CHM: variants seen among roughly 807,000 people sequenced by gnomAD.
CHM encodes rab proteins geranylgeranyltransferase component A 1.
In CHM, 10 loss-of-function variants were observed where a neutral mutation model predicts 49.0. The ratio of observed to expected loss-of-function variants is 0.20; its 90% confidence interval spans 0.13 to 0.35. The LOEUF (loss-of-function observed/expected upper bound fraction) is 0.35, where lower values mean the gene tolerates loss of function less well. CHM is among the 10% of genes least tolerant of loss of function. The probability of loss-of-function intolerance (pLI) is 1.00; values close to 1 mark genes in which losing one functional copy is unlikely to be tolerated. For missense variants in CHM, 455 were observed against 478.4 expected (o/e 0.95, Z 0.46); for synonymous variants, 184 against 167.5 (o/e 1.10, Z -0.76).
At chrX:86,030,222 T>C (rs1197982773) in intron 1 of CHM, among the ~76,000 whole-genome samples, 1 of 112,479 alleles carries the variant, frequency 8.9e-6, no homozygotes, top group East Asian at 2.8e-4. Context: ...AAAGCCAAAA[T>C]GACTATCATT....
rs181984444 is a variant in CHM, at chrX:86,003,072, A to C, written c.117-21263T>G. Among the ~76,000 whole-genome samples, 17 of 111,995 alleles carry C rather than the reference A, an allele frequency of 1.5e-4. No individual in the cohort carries two copies. The East Asian group carries it at 4.5e-3, about 30-fold the overall frequency. On this transcript the variant is annotated intron_variant, in intron 2 of 14. Coordinates refer to ENST00000357749, the MANE Select transcript of CHM (RefSeq NM_000390.4). ...CAGGCAGCAATATTTGTTGTTCTAC[A>C]ATAATTGCTGTTGTGCAGCCTCCGC...
intron 8 of CHM, among the ~76,000 whole-genome samples, chrX:85,915,028 A>T (rs1490092585): frequency 9.1e-6 from 1 of 110,289 alleles, no homozygotes; most frequent in Non-Finnish European, 1.9e-5. Context: ...TCAAAAAAAT[A>T]AAAAAATATA....
intron 9 of CHM, among the ~76,000 whole-genome samples, chrX:85,908,080 A>G (rs1173223531): frequency 8.9e-6 from 1 of 111,910 alleles, no homozygotes; most frequent in Non-Finnish European, 1.9e-5. Context: ...AGTGTTCCAT[A>G]TAGAAAACTA....
chrX:85,932,101 T>C (rs1334403894), intron 8 of CHM, among the ~76,000 whole-genome samples: 1 of 112,229 alleles, frequency 8.9e-6, no homozygotes, highest in East Asian at 2.8e-4. Flanking sequence ...TATGGAGATA[T>C]GTCACCCATA....
At chrX:86,022,205 A>G (rs1157664991) in intron 2 of CHM, among the ~76,000 whole-genome samples, 1 of 112,083 alleles carries the variant, frequency 8.9e-6, no homozygotes, top group African/African-American at 3.2e-5. Flanking sequence ...TTTTTAAAAA[A>G]TTATTTTTAG....
At chrX:85,918,998 C>G (rs1441701093) in intron 8 of CHM, among the ~76,000 whole-genome samples, 1 of 111,209 alleles carries the variant, frequency 9.0e-6, no homozygotes, top group Non-Finnish European at 1.9e-5. Flanking sequence ...TATTGAGGAC[C>G]TGAATTCAGA....
intron 13 of CHM, among the ~76,000 whole-genome samples, chrX:85,875,586 A>G (rs886637008): frequency 1.8e-5 from 2 of 111,885 alleles, no homozygotes; most frequent in African/African-American, 6.5e-5. Flanking sequence ...TAATACCAGC[A>G]GAGTGGTGGA....
At chrX:85,924,376 A>C (rs920194045) in intron 8 of CHM, among the ~76,000 whole-genome samples, 4 of 111,396 alleles carry the variant, frequency 3.6e-5, no homozygotes, top group Non-Finnish European at 7.5e-5. Flanking sequence ...TCCTCAGAAC[A>C]AGTATAAGGT....
intron 12 of CHM, among the ~76,000 whole-genome samples, chrX:85,890,807 T>C (rs970447942): frequency 9.0e-6 from 1 of 111,659 alleles, no homozygotes. Flanking sequence ...GACTTTGGAA[T>C]TGGTTAACAG....
chrX:86,028,098 C>A (rs1933910256), intron 1 of CHM, among the ~76,000 whole-genome samples: 2 of 111,766 alleles, frequency 1.8e-5, no homozygotes, highest in Non-Finnish European at 3.8e-5. Context: ...CTTAATTTGG[C>A]AAGAAAAAAT....
chrX:86,021,012 ATT>A (rs1161768231), intron 2 of CHM, among the ~76,000 whole-genome samples: 3 of 98,844 alleles, frequency 3.0e-5, no homozygotes, highest in African/African-American at 1.1e-4. Flanking sequence ...ATATATATAT[ATT>A]TACACATATA....
intron 11 of CHM, among the ~76,000 whole-genome samples, chrX:85,897,426 G>T (rs1925967217): frequency 1.1e-5 from 1 of 94,285 alleles, no homozygotes; most frequent in Admixed American, 1.2e-4. Context: ...AATAAAGGGT[G>T]GTGTGTGTGC....
At chrX:85,896,664 A>G (rs985488457) in intron 11 of CHM, among the ~76,000 whole-genome samples, 6 of 108,084 alleles carry the variant, frequency 5.6e-5, no homozygotes, top group Non-Finnish European at 1.1e-4. Context: ...AAAGCAAGGC[A>G]TACTGTGGGC....
rs144633424 is a variant in CHM, at chrX:85,917,640, G to A, written c.1167-6302C>T. Among the ~76,000 whole-genome samples the A allele has an allele frequency of 8.8e-3, 968 of 110,457 alleles. 7 individuals are homozygous for A. Among genetic ancestry groups the A allele is most frequent in the Admixed American group, 0.013 (134 of 10,317 alleles). ...AAAGCTCAATGAGATAGAGGAGAAG[G>A]TTGAAACGCATCCAAGTAAAGCAGT... is the stretch of plus-strand genomic sequence containing the variant. On this transcript the variant is annotated intron_variant, in intron 8 of 14. Transcript: ENST00000357749.
intron 2 of CHM, among the ~76,000 whole-genome samples, chrX:86,024,798 A>G (rs1440676140): frequency 1.8e-5 from 2 of 112,340 alleles, no homozygotes; most frequent in African/African-American, 6.5e-5. Flanking sequence ...AAAGCAAGAA[A>G]ATCAACAGAA....
intron 3 of CHM, among the ~76,000 whole-genome samples, chrX:85,980,004 GA>G (rs1931506081): frequency 9.0e-6 from 1 of 111,564 alleles, no homozygotes; most frequent in Non-Finnish European, 1.9e-5. Context: ...CAGGGAAAGG[GA>G]ATGGAGAGAC....
intron 8 of CHM, among the ~76,000 whole-genome samples, chrX:85,942,597 T>A (rs1488042811): frequency 2.7e-5 from 3 of 111,163 alleles, no homozygotes; most frequent in African/African-American, 9.8e-5. Context: ...ATGTTGTGAT[T>A]CAATAATCGA....
chrX:86,007,199 A>C (rs1169866798), intron 2 of CHM, among the ~76,000 whole-genome samples: 11 of 112,235 alleles, frequency 9.8e-5, no homozygotes, highest in South Asian at 3.7e-4. Flanking sequence ...GGAAAACTGG[A>C]TAGCCATATG....
chrX:85,975,763 T>C (rs1451544335), intron 4 of CHM, among the ~76,000 whole-genome samples: 2 of 112,149 alleles, frequency 1.8e-5, no homozygotes, highest in African/African-American at 6.5e-5. Context: ...AGTGAATACA[T>C]GAACCCACAA....
Sources: allele counts gnomAD v4.1 joint callset (sites outside exome capture counted in the v4.1 genomes callset), GRCh38; gene constraint gnomAD v4.1.1; transcripts MANE v1.5; gene names NCBI Gene and HGNC (gene_info 2026-07-23, HGNC 2026-07-21).